The following CCDC192 variants were observed in gnomAD, a reference collection of about 807,000 sequenced individuals.
The protein encoded by CCDC192 is coiled-coil domain containing 192.
chr5:127,761,304 A>T (rs372598902), intron 3 of CCDC192, among the ~76,000 whole-genome samples: 7 of 152,218 alleles, frequency 4.6e-5, no homozygotes, highest in Non-Finnish European at 1.0e-4. Flanking sequence ...AACAAGATTG[A>T]TAAGACCCCT....
At chr5:127,939,782 T>C (rs1754322984) in intron 6 of CCDC192, among the ~76,000 whole-genome samples, 1 of 152,070 alleles carries the variant, frequency 6.6e-6, no homozygotes, top group Non-Finnish European at 1.5e-5. Context: ...CTTTTGTATC[T>C]GAGACTGACA....
At chr5:127,872,686 A>G (rs1751912169) in intron 5 of CCDC192, among the ~76,000 whole-genome samples, 1 of 152,140 alleles carries the variant, frequency 6.6e-6, no homozygotes, top group Non-Finnish European at 1.5e-5. Flanking sequence ...GCTCTTTCTC[A>G]TGTTGTGCCA....
intron 6 of CCDC192, among the ~76,000 whole-genome samples, chr5:127,921,683 G>A (rs1753725783): frequency 6.6e-6 from 1 of 152,098 alleles, no homozygotes; most frequent in Non-Finnish European, 1.5e-5. Flanking sequence ...ACACGGAGGG[G>A]CTGATTTGTC....
At chr5:127,839,499 C>A (rs1213842659) in intron 5 of CCDC192, among the ~76,000 whole-genome samples, 3 of 152,100 alleles carry the variant, frequency 2.0e-5, no homozygotes, top group Admixed American at 6.6e-5. Flanking sequence ...ATAATTCTTT[C>A]TTAAATTTTC....
At chr5:127,853,489 G>A (rs1398679823) in intron 5 of CCDC192, among the ~76,000 whole-genome samples, 1 of 151,998 alleles carries the variant, frequency 6.6e-6, no homozygotes, top group Non-Finnish European at 1.5e-5. Flanking sequence ...AAAGCACCTG[G>A]AGGCTGGGCG....
chr5:127,831,568 C>T (rs931615486), intron 5 of CCDC192, among the ~76,000 whole-genome samples: 10 of 151,768 alleles, frequency 6.6e-5, no homozygotes, highest in Non-Finnish European at 1.3e-4. Context: ...CACATAATGC[C>T]GATAAGGAAA....
At chr5:127,908,219 A>G (rs1014905609) in intron 6 of CCDC192, among the ~76,000 whole-genome samples, 1 of 152,140 alleles carries the variant, frequency 6.6e-6, no homozygotes, top group Non-Finnish European at 1.5e-5. Context: ...ATAGATGATT[A>G]TTTTGGAGGG....
intron 3 of CCDC192, among the ~76,000 whole-genome samples, chr5:127,782,735 TTTTA>T (rs1461463860): frequency 6.6e-6 from 1 of 152,158 alleles, no homozygotes; most frequent in African/African-American, 2.4e-5. Flanking sequence ...GATGTATCAA[TTTTA>T]TTTATCTTTT....
At chr5:127,941,112 T>G (rs1413590438) in intron 6 of CCDC192, 70 bp from the exon 7 acceptor site, 1 of 398,588 alleles carries the variant, frequency 2.5e-6, no homozygotes, top group Admixed American at 4.4e-5. Context: ...GCTTTTTCAT[T>G]TTTCCTTGCT....
intron 6 of CCDC192, among the ~76,000 whole-genome samples, chr5:127,919,071 ATATGTGTGTG>A (rs1561551738): frequency 3.2e-4 from 43 of 132,374 alleles, no homozygotes; most frequent in African/African-American, 1.3e-3. Flanking sequence ...GTGTGTGTAT[ATATGTGTGTG>A]TGTGTGTGTG....
At chr5:127,803,212 T>C (rs756076981) in intron 5 of CCDC192, among the ~76,000 whole-genome samples, 2 of 151,900 alleles carry the variant, frequency 1.3e-5, no homozygotes. Flanking sequence ...GGAGAGGAGA[T>C]GAAAGCCTTA....
chr5:127,707,724 T>A lies in CCDC192; in HGVS notation c.78T>A (p.Ser26Arg), dbSNP rs1751053855. Reference protein sequence around the residue: ...TSERSSMTSGSSESDIPQENK... With the variant: ...TSERSSMTSGRSESDIPQENK... Reference sequence around the variant, plus strand: ...TTTTTTTCAGCATGACGTCTGGAAGTTCAGAGTCAGATATACCACAAGAAA... The same window carrying A: ...TTTTTTTCAGCATGACGTCTGGAAGATCAGAGTCAGATATACCACAAGAAA... Residue 26 changes from serine to arginine, a missense_variant, in exon 2 of 7, where the codon AGT becomes AGA. Physicochemically the swap from Ser to Arg is moderately radical, Grantham distance 110. Transcript: ENST00000514853. 2.5e-6 allele frequency: 1 copy of A among 398,540 alleles called. No individual in the cohort carries two copies. Among genetic ancestry groups the A allele is most frequent in the South Asian group, 1.3e-4 (1 of 7,842 alleles). The allele number at this position is 398,540 out of a possible 1,614,324, so 24.7% of individuals were successfully genotyped here.
chr5:127,706,956 T>A (rs2126770193), intron 1 of CCDC192, among the ~76,000 whole-genome samples: 1 of 152,268 alleles, frequency 6.6e-6, no homozygotes, highest in South Asian at 2.1e-4. Flanking sequence ...TTGGATGTGC[T>A]GGGAACTGAG....
chr5:127,904,956 CTG>C (rs1267275616), intron 6 of CCDC192, among the ~76,000 whole-genome samples: 1 of 152,060 alleles, frequency 6.6e-6, no homozygotes, highest in African/African-American at 2.4e-5. Context: ...TGAAAAGCCT[CTG>C]TGCAACCGTT....
chr5:127,752,090 C>T (rs1272694910), intron 2 of CCDC192, among the ~76,000 whole-genome samples: 3 of 152,196 alleles, frequency 2.0e-5, no homozygotes, highest in Non-Finnish European at 4.4e-5. Context: ...GTAATTTGAT[C>T]GTCTGAAGCC....
intron 6 of CCDC192, among the ~76,000 whole-genome samples, chr5:127,904,285 T>C (rs1753138065): frequency 6.6e-6 from 1 of 152,232 alleles, no homozygotes; most frequent in African/African-American, 2.4e-5. Flanking sequence ...CGGTGAAACC[T>C]ATGTTTGGAC....
intron 6 of CCDC192, among the ~76,000 whole-genome samples, chr5:127,937,380 C>A (rs1472772876): frequency 1.3e-5 from 2 of 152,000 alleles, no homozygotes; most frequent in East Asian, 3.9e-4. Flanking sequence ...GGAGATGGGG[C>A]CTGTGGGAAA....
At chr5:127,824,959 G>A (rs1308942904) in intron 5 of CCDC192, among the ~76,000 whole-genome samples, 1 of 152,194 alleles carries the variant, frequency 6.6e-6, no homozygotes. Context: ...GACTAGGTTG[G>A]TAGTTGTTCA....
intron 2 of CCDC192, among the ~76,000 whole-genome samples, chr5:127,734,878 G>A (rs1201032655): frequency 6.6e-6 from 1 of 151,670 alleles, no homozygotes; most frequent in African/African-American, 2.4e-5. Context: ...TCTGTAGGTT[G>A]CCTGTTCACT....
Sources: gnomAD v4.1 joint callset for allele counts (sites outside exome capture counted in the v4.1 genomes callset) on GRCh38, gnomAD v4.1.1 for gene constraint, MANE v1.5 for transcripts, NCBI Gene and HGNC (gene_info 2026-07-23, HGNC 2026-07-21) for gene names.